The following SMAD5 variants were observed in gnomAD, a reference collection of about 807,000 sequenced individuals.
The protein encoded by SMAD5 is MAD, mothers against decapentaplegic homolog 5.
A neutral mutation model predicts 43.1 loss-of-function variants in SMAD5; 9 were observed. That is an observed-to-expected ratio of 0.21 (90% CI 0.13 to 0.36). The LOEUF is 0.36. SMAD5 is among the 10% of genes least tolerant of loss of function. SMAD5 has a pLI of 1.00. For synonymous variants in SMAD5, 190 were observed against 192.4 expected (o/e 0.99, Z 0.10); for missense variants, 348 against 574.0 (o/e 0.61, Z 4.02).
chr5:136,177,229 T>G lies in SMAD5; in HGVS notation c.1255-108T>G. 6.7e-6 allele frequency: 6 copies of G among 890,682 alleles called. No homozygotes were observed. In the South Asian group the frequency reaches 8.7e-5, roughly 13 times the overall value. 55.2% of individuals were successfully genotyped at this position (890,682 alleles called of 1,614,324 possible). ...TGATAGTTATTCTCTTTATGTAACTTCTACATATCTCTACTGTTAAAAGCT... is the reference window on the plus strand; with the variant it reads ...TGATAGTTATTCTCTTTATGTAACTGCTACATATCTCTACTGTTAAAAGCT... On this transcript the variant is annotated intron_variant, in intron 7 of 7. Coordinates refer to ENST00000545279, the MANE Select transcript of SMAD5 (RefSeq NM_005903.7).
chr5:136,158,846 C>T (rs564625824), intron 3 of SMAD5, among the ~76,000 whole-genome samples: 1 of 152,024 alleles, frequency 6.6e-6, no homozygotes, highest in Non-Finnish European at 1.5e-5. Flanking sequence ...TTGCAGTGAG[C>T]CGAGATGGCG....
intron 5 of SMAD5, among the ~76,000 whole-genome samples, chr5:136,163,915 T>G (rs1421754786): frequency 6.6e-6 from 1 of 152,256 alleles, no homozygotes; most frequent in East Asian, 1.9e-4. Context: ...GCTCAGTGGC[T>G]CACGCCTGTA....
chr5:136,171,582 T>G (rs1237170971), intron 5 of SMAD5, among the ~76,000 whole-genome samples: 1 of 152,184 alleles, frequency 6.6e-6, no homozygotes, highest in East Asian at 1.9e-4. Context: ...ATTTTTTGTT[T>G]TTCCATTTTG....
chr5:136,139,313 A>G (rs1242487021), intron 1 of SMAD5, among the ~76,000 whole-genome samples: 1 of 152,136 alleles, frequency 6.6e-6, no homozygotes, highest in African/African-American at 2.4e-5. Flanking sequence ...ACATGAATTC[A>G]TTTGAAATAG....
chr5:136,162,481 G>A (rs1165290874), intron 4 of SMAD5, among the ~76,000 whole-genome samples: 1 of 152,162 alleles, frequency 6.6e-6, no homozygotes, highest in Non-Finnish European at 1.5e-5. Context: ...GAAATTAAGT[G>A]CCAGCTGTTT....
At chr5:136,140,372 G>A (rs1753036168) in intron 1 of SMAD5, among the ~76,000 whole-genome samples, 1 of 152,150 alleles carries the variant, frequency 6.6e-6, no homozygotes, top group Admixed American at 6.5e-5. Flanking sequence ...TACTGTAAAA[G>A]CTAAAGCCTT....
Position 136,181,810 on chromosome 5 carries a change from G to C in SMAD5, c.*4330G>C, listed in dbSNP as rs1754636692. ...CTTAAAATACAACTGTATTATAATT[G>C]AAATGACAGCCCAAAATTGGATGGT... is the stretch of plus-strand genomic sequence containing the variant. On this transcript the variant is annotated 3_prime_UTR_variant, in exon 8 of 8. Coordinates refer to ENST00000545279, the MANE Select transcript of SMAD5 (RefSeq NM_005903.7). 1 of 152,068 alleles carries C rather than the reference G, an allele frequency of 6.6e-6. No individual in the cohort carries two copies. Among genetic ancestry groups the C allele is most frequent in the South Asian group, 2.1e-4 (1 of 4,832 alleles). 9.4% of individuals were successfully genotyped at this position (152,068 alleles called of 1,614,324 possible). A position where few individuals can be genotyped will look rare whatever the true frequency, so the allele number is the denominator to read the frequency against.
In SMAD5 at chr5:136,174,419, C is replaced by T. The variant is rs1754335878; in HGVS notation, c.1041C>T (p.Cys347=). 1.2e-6 allele frequency: 2 copies of T among 1,613,204 alleles called. No individual in the cohort carries two copies. The highest frequency in any genetic ancestry group is 3.3e-5 in the Admixed American group (2 of 60,000). ...TTGGTGGAGAGGTGTATGCGGAATGCCTCAGTGACAGCAGCATATTTGTAC... is the reference window on the plus strand; with the variant it reads ...TTGGTGGAGAGGTGTATGCGGAATGTCTCAGTGACAGCAGCATATTTGTAC... ...YYVGGEVYAE[C]LSDSSIFVQS... is the part of the protein sequence containing the mutation. The change falls in exon 7 of 8, where the codon TGC becomes TGT. Residue 347 remains cysteine, a synonymous_variant. Transcript: ENST00000545279.
intron 7 of SMAD5, among the ~76,000 whole-genome samples, chr5:136,176,904 C>T (rs1754440663): frequency 6.6e-6 from 1 of 152,014 alleles, no homozygotes; most frequent in Non-Finnish European, 1.5e-5. Flanking sequence ...ATATTTTACC[C>T]ACAATTTTTG....
At chr5:136,172,401 A>G (rs754578699) in intron 5 of SMAD5, 33 bp from the exon 6 acceptor site, 2 of 1,298,620 alleles carry the variant, frequency 1.5e-6, no homozygotes, top group South Asian at 1.3e-5. Context: ...TCTGATATGT[A>G]TTAAACTCTT....
intron 1 of SMAD5, among the ~76,000 whole-genome samples, chr5:136,138,347 C>T (rs1580758675): frequency 1.3e-5 from 2 of 152,174 alleles, no homozygotes; most frequent in East Asian, 1.9e-4. Flanking sequence ...CTTTGGAAAT[C>T]GGGAGCCACA....
intron 4 of SMAD5, 137 bp from the exon 5 acceptor site, chr5:136,163,135 A>G: frequency 4.7e-6 from 3 of 641,800 alleles, no homozygotes; most frequent in Non-Finnish European, 2.5e-6. Context: ...CCCTTGCCCT[A>G]GGATAGTATC....
At chr5:136,136,152 A>G (rs1752868596) in intron 1 of SMAD5, among the ~76,000 whole-genome samples, 1 of 152,192 alleles carries the variant, frequency 6.6e-6, no homozygotes. Flanking sequence ...CCATCAAAAC[A>G]GATGATGAAG....
intron 3 of SMAD5, among the ~76,000 whole-genome samples, chr5:136,154,667 T>G (rs1431739707): frequency 6.6e-6 from 1 of 152,212 alleles, no homozygotes; most frequent in Non-Finnish European, 1.5e-5. Context: ...CTGCACTGTT[T>G]CCACTGGTCC....
chr5:136,169,269 A>G (rs551132180), intron 5 of SMAD5, among the ~76,000 whole-genome samples: 2 of 152,334 alleles, frequency 1.3e-5, no homozygotes, highest in South Asian at 4.1e-4. Context: ...CTGCTCTTCC[A>G]TCTTCTGCCT....
At chr5:136,144,707 A>G (rs1359368494) in intron 1 of SMAD5, among the ~76,000 whole-genome samples, 1 of 151,776 alleles carries the variant, frequency 6.6e-6, no homozygotes, top group Non-Finnish European at 1.5e-5. Context: ...CAGAGGTGCA[A>G]ATAGAATCTG....
chr5:136,181,224 G>A lies in SMAD5; in HGVS notation c.*3744G>A, dbSNP rs1754616639. ...TATAAATATCCTTTTTACTTCATGA[G>A]GAAGGAAGAATTTTTTGATAATTAC... On this transcript the variant is annotated 3_prime_UTR_variant, in exon 8 of 8. Transcript: ENST00000545279. 6.6e-6 allele frequency: 1 copy of A among 152,028 alleles called. No homozygotes were observed. The highest frequency in any genetic ancestry group is 6.5e-5 in the Admixed American group (1 of 15,272). 9.4% of individuals were successfully genotyped at this position (152,028 alleles called of 1,614,324 possible).
intron 1 of SMAD5, among the ~76,000 whole-genome samples, chr5:136,147,163 T>G (rs952945521): frequency 6.6e-6 from 1 of 151,708 alleles, no homozygotes; most frequent in African/African-American, 2.4e-5. Flanking sequence ...GTGCTAAAAA[T>G]GTCCTAATGA....
chr5:136,165,368 T>G (rs1005378653), intron 5 of SMAD5, among the ~76,000 whole-genome samples: 1 of 150,130 alleles, frequency 6.7e-6, no homozygotes, highest in Non-Finnish European at 1.5e-5. Flanking sequence ...GCTGGCCCTG[T>G]TTTTTTTTGT....
Sources: gnomAD v4.1 joint callset for allele counts (sites outside exome capture counted in the v4.1 genomes callset) on GRCh38, gnomAD v4.1.1 for gene constraint, MANE v1.5 for transcripts, NCBI Gene and HGNC (gene_info 2026-07-23, HGNC 2026-07-21) for gene names.